Variants in CELF2 observed in about 807,000 individuals in gnomAD.
CELF2 encodes CUGBP Elav-like family member 2, also known as CUG triplet repeat RNA-binding protein 2.
CELF2 carries 8 observed loss-of-function variants against 62.6 expected under a neutral mutation model. That is an observed-to-expected ratio of 0.13 (90% CI 0.07 to 0.23). The LOEUF is 0.23. CELF2 is among the 10% of genes least tolerant of loss of function. The pLI is 1.00. For synonymous variants in CELF2, 258 were observed against 250.0 expected, an observed-to-expected ratio of 1.03 and a Z score of -0.30; for missense variants, 333 against 671.0, an observed-to-expected ratio of 0.50 and a Z score of 5.56.
intron 5 of CELF2, 56 bp downstream of exon 5, chr10:11,257,928 C>T: frequency 6.2e-7 from 1 of 1,601,612 alleles, no homozygotes; most frequent in Non-Finnish European, 8.5e-7. Context: ...AGCTCTGTGT[C>T]ACAGTCGAGA....
chr10:10,860,945 G>A (rs533792864), intron 1 of CELF2, among the ~76,000 whole-genome samples: 1 of 152,248 alleles, frequency 6.6e-6, no homozygotes, highest in South Asian at 2.1e-4. Flanking sequence ...ATAAAAGACT[G>A]TAATCTCACT....
rs555655362 is a variant in CELF2, at chr10:11,135,554, G to T, written c.75-29932G>T. Among the ~76,000 whole-genome samples, 10 of 152,354 alleles carry T rather than the reference G, an allele frequency of 6.6e-5. No homozygotes were observed. In the South Asian group the frequency reaches 2.1e-3, roughly 32 times the overall value. Reference sequence around the variant, plus strand: ...TGCCTATGAAATATGCTACAGGAAAGACCCTTGCCTTTCTGTGAAATACTG... The same window carrying T: ...TGCCTATGAAATATGCTACAGGAAATACCCTTGCCTTTCTGTGAAATACTG... On this transcript the variant is annotated intron_variant, in intron 1 of 12. Transcript: ENST00000633077.
At chr10:10,873,390 A>G (rs990052520) in intron 1 of CELF2, among the ~76,000 whole-genome samples, 5 of 152,226 alleles carry the variant, frequency 3.3e-5, no homozygotes, top group Non-Finnish European at 7.3e-5. Flanking sequence ...TCGGGGTAAC[A>G]GTATTAGTGA....
At chr10:10,802,468 TCAAA>T (rs1238833884) in intron 1 of CELF2, among the ~76,000 whole-genome samples, 4 of 152,126 alleles carry the variant, frequency 2.6e-5, no homozygotes, top group Non-Finnish European at 5.9e-5. Context: ...AGACTCTGTC[TCAAA>T]CAAACAAACA....
chr10:11,155,186 G>A (rs536703032), intron 1 of CELF2, among the ~76,000 whole-genome samples: 15 of 152,188 alleles, frequency 9.9e-5, no homozygotes, highest in South Asian at 8.3e-4. Context: ...TATATTTCCC[G>A]GCCTCCTTAA....
the CELF2 span, among the ~76,000 whole-genome samples, chr10:10,632,312 A>G: frequency 5.3e-5 from 8 of 152,196 alleles, no homozygotes; most frequent in African/African-American, 1.7e-4. Context: ...CTCACCTCAT[A>G]CATAATCACT....
At chr10:10,730,320 T>C in the CELF2 span, among the ~76,000 whole-genome samples, 1 of 151,948 alleles carries the variant, frequency 6.6e-6, no homozygotes, top group Non-Finnish European at 1.5e-5. Context: ...CTACTAAAAA[T>C]ACAAAAATTA....
intron 1 of CELF2, among the ~76,000 whole-genome samples, chr10:11,049,165 G>C (rs1252047721): frequency 2.0e-5 from 3 of 147,794 alleles, no homozygotes; most frequent in Non-Finnish European, 4.5e-5. Context: ...AAAAAAATCA[G>C]CTTAGCCTTC....
intron 1 of CELF2, among the ~76,000 whole-genome samples, chr10:10,904,620 A>G (rs1037901732): frequency 1.3e-5 from 2 of 152,282 alleles, no homozygotes; most frequent in South Asian, 2.1e-4. Flanking sequence ...TTACATAGCC[A>G]TGGCCTTATT....
At chr10:11,029,369 TC>T (rs1440177419) in intron 1 of CELF2, among the ~76,000 whole-genome samples, 2 of 152,206 alleles carry the variant, frequency 1.3e-5, no homozygotes, top group Non-Finnish European at 2.9e-5. Flanking sequence ...GACAGTTTGC[TC>T]CCAGTGCTGC....
intron 1 of CELF2, among the ~76,000 whole-genome samples, chr10:10,900,754 G>T (rs2062878617): frequency 6.6e-6 from 1 of 152,042 alleles, no homozygotes; most frequent in South Asian, 2.1e-4. Context: ...CAACATAAAA[G>T]ACACTTATAT....
chr10:10,595,221 C>G, the CELF2 span, among the ~76,000 whole-genome samples: 1 of 152,126 alleles, frequency 6.6e-6, no homozygotes, highest in Non-Finnish European at 1.5e-5. Flanking sequence ...CATGCACAAG[C>G]CTCTTAAAGG....
rs1468994564 is a variant in CELF2 at position 11,117,623 on chromosome 10, GA to G, written c.75-47862del. 6.6e-6 allele frequency among the ~76,000 whole-genome samples: 1 copy of G among 152,184 alleles called. No homozygotes were observed. The highest frequency in any genetic ancestry group is 1.5e-5 in the Non-Finnish European group (1 of 68,030). ...AAAACCACGTGTGTGATGGTATCAT[GA>G]CATGAATATGATCCTTGCTGACATT... On this transcript the variant is annotated intron_variant, in intron 1 of 12. Transcript: ENST00000633077. This position sits in a 1 kb window ranked among gnomAD's most constrained non-coding sequence, Gnocchi z 4.1.
chr10:10,908,309 T>C (rs2063520318), intron 1 of CELF2, among the ~76,000 whole-genome samples: 1 of 128,956 alleles, frequency 7.8e-6, no homozygotes, highest in Non-Finnish European at 1.6e-5. Flanking sequence ...AAGCTCCACC[T>C]CCCAGGTTCA....
chr10:11,194,954 T>G (rs147773995), intron 2 of CELF2, among the ~76,000 whole-genome samples: 2 of 152,338 alleles, frequency 1.3e-5, no homozygotes, highest in South Asian at 2.1e-4. Context: ...TCTCAGTGGC[T>G]TCTGCCCTGA....
In CELF2 at chr10:10,993,790, C is replaced by A. The variant is rs1315759119; in HGVS notation, c.89+73791C>A. On this transcript the variant is annotated intron_variant, in intron 2 of 13. Transcript: ENST00000636488. This position sits in a 1 kb window ranked among gnomAD's most constrained non-coding sequence, Gnocchi z 5.3. ...CAAAATTTGTGTGTTGAAGTCCTAA[C>A]CCTGGTACCTGGGAATGTGATTGTA... 6.6e-6 allele frequency among the ~76,000 whole-genome samples: 1 copy of A among 152,128 alleles called. No homozygotes were observed. Among genetic ancestry groups the A allele is most frequent in the Non-Finnish European group, 1.5e-5 (1 of 68,030 alleles).
At chr10:10,478,675 A>T in the CELF2 span, among the ~76,000 whole-genome samples, 1 of 152,220 alleles carries the variant, frequency 6.6e-6, no homozygotes, top group Non-Finnish European at 1.5e-5. Flanking sequence ...AGAATGACAG[A>T]TGAAGCTACC....
chr10:10,646,944 G>T, the CELF2 span, among the ~76,000 whole-genome samples: 1 of 152,250 alleles, frequency 6.6e-6, no homozygotes, highest in South Asian at 2.1e-4. Flanking sequence ...CACACAGCCT[G>T]GTCATGCCAC....
rs144078062 is a variant in CELF2, at chr10:11,250,901, G to A, written c.403+1700G>A. Among the ~76,000 whole-genome samples the A allele has an allele frequency of 6.2e-4, 95 of 152,336 alleles. 2 individuals carry two copies. The East Asian group carries it at 0.017, about 27-fold the overall frequency. ...GGCCTCTGCAGGCTCTCCATGGAGC[G>A]TGCTGGCCTGGGAAGAAGACCACTT... On this transcript the variant is annotated intron_variant, in intron 4 of 12. Coordinates refer to ENST00000633077, the MANE Select transcript of CELF2 (RefSeq NM_001326342.2).
Sources: allele counts gnomAD v4.1 joint callset (sites outside exome capture counted in the v4.1 genomes callset), GRCh38; gene constraint gnomAD v4.1.1; non-coding constraint Gnocchi (gnomAD v3.1); transcripts MANE v1.5; gene names NCBI Gene and HGNC (gene_info 2026-07-23, HGNC 2026-07-21).